PIK3C2G: variants seen among roughly 807,000 people sequenced by gnomAD.
PIK3C2G encodes the protein phosphatidylinositol 3-kinase C2 domain-containing subunit gamma.
A neutral mutation model predicts 181.1 loss-of-function variants in PIK3C2G; 168 were observed. The ratio of observed to expected loss-of-function variants is 0.93; its 90% CI spans 0.82 to 1.05. The LOEUF is 1.05. Among genes scored for constraint, PIK3C2G ranks in the 50% least tolerant of loss-of-function variants. The pLI, the probability that PIK3C2G is intolerant of heterozygous loss-of-function variation, is 0.00. For missense variants in PIK3C2G, 1,869 were observed against 1,732.8 expected (o/e 1.08, Z -1.40); for synonymous variants, 573 against 592.2 (o/e 0.97, Z 0.47).
At chr12:18,633,762 T>C (rs1374465277) in intron 31 of PIK3C2G, among the ~76,000 whole-genome samples, 1 of 152,124 alleles carries the variant, frequency 6.6e-6, no homozygotes, top group African/African-American at 2.4e-5. Context: ...GAGCTCAGAG[T>C]GGCTGAGTCG....
At chr12:18,693,810 G>A in the PIK3C2G span, 2 of 1,522,296 alleles carry the variant, frequency 1.3e-6, no homozygotes, top group Non-Finnish European at 1.8e-6. Flanking sequence ...ATCAGACCAG[G>A]CCGCATTGGC....
chr12:18,678,225 C>A, the PIK3C2G span, among the ~76,000 whole-genome samples: 2 of 152,060 alleles, frequency 1.3e-5, no homozygotes, highest in Admixed American at 1.3e-4. Flanking sequence ...GCTGTTAGAA[C>A]ACACATTGTC....
intron 11 of PIK3C2G, among the ~76,000 whole-genome samples, chr12:18,360,681 T>C (rs1029846977): frequency 1.3e-5 from 2 of 152,204 alleles, no homozygotes; most frequent in Non-Finnish European, 2.9e-5. Context: ...GTATTGAATA[T>C]ATTATTTCTC....
intron 1 of PIK3C2G, among the ~76,000 whole-genome samples, chr12:18,251,804 C>G (rs1449682150): frequency 6.6e-6 from 1 of 151,920 alleles, no homozygotes; most frequent in Non-Finnish European, 1.5e-5. Flanking sequence ...CAGTCATTTT[C>G]AGGATTTGGG....
rs79230094 is a variant in PIK3C2G at position 18,411,214 on chromosome 12, A to T, written c.2316-9727A>T. On this transcript the variant is annotated intron_variant, in intron 16 of 32. Transcript: ENST00000538779. Reference sequence around the variant, plus strand: ...TAATCTTGTGATTTTTGTATAAGTAAATATAAAAATATCCAGTCAAAAAAA... The same window carrying T: ...TAATCTTGTGATTTTTGTATAAGTATATATAAAAATATCCAGTCAAAAAAA... 9.3e-3 allele frequency among the ~76,000 whole-genome samples: 1,413 copies of T among 152,302 alleles called. 13 individuals are homozygous for T. Among genetic ancestry groups the T allele is most frequent in the African/African-American group, 0.027 (1,115 of 41,568 alleles).
At chr12:18,707,892 T>A in the PIK3C2G span, among the ~76,000 whole-genome samples, 1 of 152,192 alleles carries the variant, frequency 6.6e-6, no homozygotes, top group South Asian at 2.1e-4. Flanking sequence ...TTATTGTGTA[T>A]ACTTAAGGTA....
the PIK3C2G span, among the ~76,000 whole-genome samples, chr12:18,676,357 T>G: frequency 6.6e-6 from 1 of 152,036 alleles, no homozygotes; most frequent in African/African-American, 2.4e-5. Context: ...GAATCTAATA[T>G]AATCCATGTC....
intron 1 of PIK3C2G, among the ~76,000 whole-genome samples, chr12:18,271,796 G>C (rs1948756799): frequency 6.6e-6 from 1 of 152,136 alleles, no homozygotes; most frequent in Non-Finnish European, 1.5e-5. Context: ...AGACCCACAT[G>C]TAATAACTGC....
intron 1 of PIK3C2G, among the ~76,000 whole-genome samples, chr12:18,275,984 T>A (rs1469643611): frequency 1.3e-5 from 2 of 152,166 alleles, no homozygotes; most frequent in African/African-American, 4.8e-5. Flanking sequence ...CTCTAATTCA[T>A]TACTAAAAGA....
intron 1 of PIK3C2G, among the ~76,000 whole-genome samples, chr12:18,280,567 G>T (rs1314851813): frequency 1.3e-5 from 2 of 151,952 alleles, no homozygotes; most frequent in Non-Finnish European, 2.9e-5. Context: ...GGGAGAGAAT[G>T]AAACTGAGTA....
chr12:18,410,666 G>A (rs1296280100), intron 16 of PIK3C2G, among the ~76,000 whole-genome samples: 11 of 152,130 alleles, frequency 7.2e-5, no homozygotes, highest in Admixed American at 7.2e-4. Context: ...TGAATTAAGT[G>A]AAAGATATAG....
chr12:18,395,783 T>C (rs1454336218), intron 15 of PIK3C2G, among the ~76,000 whole-genome samples: 1 of 151,400 alleles, frequency 6.6e-6, no homozygotes, highest in African/African-American at 2.4e-5. Context: ...TATGTAAGGA[T>C]GCATAATGTT....
Position 18,648,102 on chromosome 12 carries a change from A to C in PIK3C2G, c.*74A>C. 4 of 889,674 alleles carry C rather than the reference A, an allele frequency of 4.5e-6. No homozygotes were observed. In the South Asian group the frequency reaches 9.7e-5, roughly 22 times the overall value. 55.1% of individuals were successfully genotyped at this position (889,674 alleles called of 1,614,324 possible). A position where few individuals can be genotyped will look rare whatever the true frequency, so the allele number is the denominator to read the frequency against. On this transcript the variant is annotated 3_prime_UTR_variant, in exon 33 of 33. Coordinates refer to ENST00000538779, the MANE Select transcript of PIK3C2G (RefSeq NM_001288772.2). ...CACTTCTGGGCCTCTGAATCACATAAGTAAGGCATCTTTGTTGTCAAAGAC... is the reference window on the plus strand; with the variant it reads ...CACTTCTGGGCCTCTGAATCACATACGTAAGGCATCTTTGTTGTCAAAGAC...
intron 31 of PIK3C2G, among the ~76,000 whole-genome samples, chr12:18,621,959 G>A (rs866619689): frequency 3.4e-4 from 51 of 151,732 alleles, no homozygotes; most frequent in African/African-American, 1.2e-3. Context: ...TATATGTATG[G>A]GGGACATAAA....
At chr12:18,650,982 T>G (rs642540), downstream of PIK3C2G, among the ~76,000 whole-genome samples, 131,993 of 151,396 alleles carry the variant, frequency 0.87, 57,637 homozygotes, top group East Asian at 0.95. Context: ...GGAATGGTTA[T>G]ATCATTCTTC....
intron 14 of PIK3C2G, among the ~76,000 whole-genome samples, chr12:18,388,718 G>T (rs1365948988): frequency 6.6e-6 from 1 of 152,232 alleles, no homozygotes; most frequent in Non-Finnish European, 1.5e-5. Context: ...ATTCACAACA[G>T]CTCCCGTGAG....
At chr12:18,504,784 C>T (rs1438347194) in intron 23 of PIK3C2G, among the ~76,000 whole-genome samples, 1 of 152,206 alleles carries the variant, frequency 6.6e-6, no homozygotes, top group Non-Finnish European at 1.5e-5. Context: ...CAGCTTCAGA[C>T]ATCAACTACA....
At chr12:18,650,738 A>C (rs868388683), downstream of PIK3C2G, among the ~76,000 whole-genome samples, 15 of 30,826 alleles carry the variant, frequency 4.9e-4, no homozygotes, top group Non-Finnish European at 6.9e-4. Context: ...ATATATATAT[A>C]TATATATATA....
chr12:18,376,175 G>C (rs567049909), intron 13 of PIK3C2G, among the ~76,000 whole-genome samples: 7 of 152,314 alleles, frequency 4.6e-5, no homozygotes, highest in Admixed American at 2.0e-4. Context: ...TGGAATGGTA[G>C]AGCCACCAGC....
Sources: allele counts gnomAD v4.1 joint callset (sites outside exome capture counted in the v4.1 genomes callset), GRCh38; gene constraint gnomAD v4.1.1; transcripts MANE v1.5; gene names NCBI Gene and HGNC (gene_info 2026-07-23, HGNC 2026-07-21).